Variants in ASPH observed in about 807,000 individuals in gnomAD.
ASPH encodes aspartyl/asparaginyl beta-hydroxylase.
ASPH carries 100 observed loss-of-function variants against 118.4 expected under a neutral mutation model. The observed-to-expected ratio is 0.84, with a 90% CI of 0.72 to 1.00. The LOEUF is 1.00. Ranked by LOEUF, ASPH falls within the 50% of genes least tolerant of loss-of-function variation. The pLI, the probability that ASPH is intolerant of heterozygous loss-of-function variation, is 0.00. For synonymous variants in ASPH, 315 were observed against 325.6 expected (o/e 0.97, Z 0.35); for missense variants, 920 against 919.5 (o/e 1.00, Z -0.01).
chr8:61,703,093 T>A (rs551110484), intron 1 of ASPH, among the ~76,000 whole-genome samples: 1 of 152,194 alleles, frequency 6.6e-6, no homozygotes, highest in Non-Finnish European at 1.5e-5. Context: ...GGACTTTGAG[T>A]GAGAAAAAGT....
chr8:61,535,799 T>C (rs981856870), intron 21 of ASPH, among the ~76,000 whole-genome samples: 51 of 152,212 alleles, frequency 3.4e-4, no homozygotes, highest in African/African-American at 1.2e-3. Flanking sequence ...CAGTGTAATC[T>C]GCCTTAGAAA....
chr8:61,541,360 T>C (rs1303136536), intron 21 of ASPH, among the ~76,000 whole-genome samples: 4 of 151,552 alleles, frequency 2.6e-5, no homozygotes, highest in Non-Finnish European at 1.5e-5. Context: ...TGAGACTCCG[T>C]CTAAAAAAAA....
At chr8:61,638,385 C>G in intron 10 of ASPH, 22 bp from the exon 11 acceptor site, 1 of 1,497,140 alleles carries the variant, frequency 6.7e-7, no homozygotes, top group Non-Finnish European at 9.1e-7. Flanking sequence ...AAAACAGAAA[C>G]AAAATCCCGT....
At chr8:61,526,867 G>C (rs1815567309) in intron 21 of ASPH, among the ~76,000 whole-genome samples, 1 of 152,170 alleles carries the variant, frequency 6.6e-6, no homozygotes, top group Non-Finnish European at 1.5e-5. Flanking sequence ...AGGGTGGGTA[G>C]GGGAGAAGGC....
At chr8:61,675,872 AT>A in intron 3 of ASPH, 1 of 1,380,690 alleles carries the variant, frequency 7.2e-7, no homozygotes. Context: ...GAGGAGTACC[AT>A]TTTCTTCAAT....
At chr8:61,526,245 A>T in intron 21 of ASPH, 133 bp from the exon 22 acceptor site, 1 of 1,242,532 alleles carries the variant, frequency 8.0e-7, no homozygotes, top group Admixed American at 2.6e-5. Flanking sequence ...CTTATATTTC[A>T]ATTTCCTCTG....
chr8:61,603,648 G>A (rs1251895129), intron 14 of ASPH, among the ~76,000 whole-genome samples: 1 of 152,188 alleles, frequency 6.6e-6, no homozygotes, highest in Non-Finnish European at 1.5e-5. Context: ...TATTTATTGA[G>A]TGCCTCACAG....
At chr8:61,584,397 GA>G (rs1838625196) in intron 14 of ASPH, among the ~76,000 whole-genome samples, 1 of 152,058 alleles carries the variant, frequency 6.6e-6, no homozygotes, top group African/African-American at 2.4e-5. Flanking sequence ...TAGTTTTTTT[GA>G]ATATGTCCAC....
intron 1 of ASPH, among the ~76,000 whole-genome samples, chr8:61,696,267 T>A (rs1172445677): frequency 6.6e-6 from 1 of 152,162 alleles, no homozygotes; most frequent in African/African-American, 2.4e-5. Context: ...GTTTTAGAAC[T>A]TAGGAAAACA....
chr8:61,642,973 T>C (rs570433182), intron 9 of ASPH, 53 bp from the exon 10 acceptor site: 27 of 1,470,362 alleles, frequency 1.8e-5, no homozygotes, highest in Non-Finnish European at 2.4e-5. Flanking sequence ...AGTCATTCTA[T>C]ACAATTGTTC....
At chr8:61,578,803 T>C in intron 15 of ASPH, 2 of 1,600,796 alleles carry the variant, frequency 1.2e-6, no homozygotes, top group Non-Finnish European at 1.7e-6. Flanking sequence ...GAATTTGTCC[T>C]CATCAAGAAG....
At chr8:61,704,189 C>T (rs1178508227) in intron 1 of ASPH, among the ~76,000 whole-genome samples, 6 of 83,438 alleles carry the variant, frequency 7.2e-5, no homozygotes, top group East Asian at 3.5e-4. Context: ...AGCGAGACTC[C>T]GTCTCAAAAA....
At chr8:61,526,421 T>TCA (rs1815367150) in intron 21 of ASPH, among the ~76,000 whole-genome samples, 1 of 152,038 alleles carries the variant, frequency 6.6e-6, no homozygotes, top group African/African-American at 2.4e-5. Context: ...CTAAGAAGAG[T>TCA]ACTGATCTTG....
intron 16 of ASPH, among the ~76,000 whole-genome samples, chr8:61,574,687 G>A (rs1172913804): frequency 1.3e-5 from 2 of 152,114 alleles, no homozygotes; most frequent in Non-Finnish European, 2.9e-5. Flanking sequence ...ATCACACACC[G>A]CGGCCTGTCG....
At chr8:61,590,550 CTGTGTG>C (rs5891814) in intron 14 of ASPH, among the ~76,000 whole-genome samples, 6,725 of 146,462 alleles carry the variant, frequency 0.046, 258 homozygotes, top group South Asian at 0.18. Flanking sequence ...TAATTTAACT[CTGTGTG>C]TGTGTGTGTG....
At chr8:61,686,695 T>A (rs373010780) in intron 1 of ASPH, among the ~76,000 whole-genome samples, 1 of 152,120 alleles carries the variant, frequency 6.6e-6, no homozygotes, top group African/African-American at 2.4e-5. Flanking sequence ...GGAATTATAG[T>A]AGCTAATGAC....
At chr8:61,549,990 C>G (rs1401188285) in intron 20 of ASPH, among the ~76,000 whole-genome samples, 1 of 152,132 alleles carries the variant, frequency 6.6e-6, no homozygotes, top group Non-Finnish European at 1.5e-5. Flanking sequence ...TCTATAAGGT[C>G]TTTTCTGACA....
chr8:61,666,432 T>C (rs897827228), intron 3 of ASPH, among the ~76,000 whole-genome samples: 2 of 152,188 alleles, frequency 1.3e-5, no homozygotes, highest in African/African-American at 4.8e-5. Flanking sequence ...AAGGAAATCA[T>C]AAGGTAAGGT....
chr8:61,574,234 T>G (rs919186667), intron 16 of ASPH, among the ~76,000 whole-genome samples: 6 of 152,190 alleles, frequency 3.9e-5, no homozygotes, highest in African/African-American at 1.4e-4. Flanking sequence ...ATAGGAATGC[T>G]TTTACATTGT....
Sources: allele counts gnomAD v4.1 joint callset (sites outside exome capture counted in the v4.1 genomes callset), GRCh38; gene constraint gnomAD v4.1.1; transcripts MANE v1.5; gene names NCBI Gene and HGNC (gene_info 2026-07-23, HGNC 2026-07-21).